ANXA13: variants seen among roughly 807,000 people sequenced by gnomAD.
ANXA13 encodes the protein annexin A13.
ANXA13 carries 36 observed loss-of-function variants against 46.6 expected under a neutral mutation model. The ratio of observed to expected loss-of-function variants is 0.77; its 90% CI spans 0.59 to 1.02. ANXA13 has a LOEUF of 1.02. Among genes scored for constraint, ANXA13 ranks in the 50% least tolerant of loss-of-function variants. The pLI is 0.00. For synonymous variants in ANXA13, 163 were observed against 152.9 expected, an observed-to-expected ratio of 1.07 and a Z score of -0.49; for missense variants, 417 against 396.5, an observed-to-expected ratio of 1.05 and a Z score of -0.44.
intron 8 of ANXA13, among the ~76,000 whole-genome samples, chr8:123,691,535 C>T (rs1409659893): frequency 2.6e-5 from 4 of 152,182 alleles, no homozygotes; most frequent in African/African-American, 9.7e-5. Flanking sequence ...GGACTAACTG[C>T]TTATTTCTGT....
At chr8:123,684,916 G>T (rs1813113139) in intron 9 of ANXA13, among the ~76,000 whole-genome samples, 194 bp from the exon 10 acceptor site, 1 of 152,218 alleles carries the variant, frequency 6.6e-6, no homozygotes, top group Non-Finnish European at 1.5e-5. Context: ...GAATCTTCAA[G>T]CATAGCTCCC....
chr8:123,737,267 T>C, intron 1 of ANXA13, 53 bp downstream of exon 1: 1 of 1,554,606 alleles, frequency 6.4e-7, no homozygotes, highest in Non-Finnish European at 8.9e-7. Context: ...GTTTAAATTC[T>C]TCCACATGCT....
Position 123,695,510 on chromosome 8 carries a change from G to A in ANXA13, c.463C>T (p.Leu155=). 6.2e-7 allele frequency: 1 copy of A among 1,613,528 alleles called. No individual in the cohort carries two copies. The highest frequency in any genetic ancestry group is 1.7e-4 in the Middle Eastern group (1 of 6,060). ...CACCTCTTTCCTCTTACCTGCAGCA[G>A]AGACACCAGGATTTTTTTTAGGTTT... The part of the protein sequence containing the change: ...SGNLKKILVS[L]LQANRNEGDD... Residue 155 remains leucine (L), a synonymous_variant, in exon 6 of 11, where the codon CTG becomes TTG. Coordinates refer to ENST00000419625, the MANE Select transcript of ANXA13 (RefSeq NM_004306.4).
intron 9 of ANXA13, among the ~76,000 whole-genome samples, chr8:123,688,504 T>G (rs1249995385): frequency 6.6e-6 from 1 of 152,168 alleles, no homozygotes. Flanking sequence ...AGATGCCCTA[T>G]TCAGGATCGA....
chr8:123,701,588 C>T (rs1168211080), intron 3 of ANXA13, among the ~76,000 whole-genome samples: 1 of 152,158 alleles, frequency 6.6e-6, no homozygotes, highest in Non-Finnish European at 1.5e-5. Context: ...CATTGACGCA[C>T]CTAATAGTAA....
chr8:123,729,737 A>G lies in ANXA13; in HGVS notation c.15+7583T>C, dbSNP rs570435016. Among the ~76,000 whole-genome samples the G allele has an allele frequency of 9.8e-4, 149 of 152,304 alleles. 1 individual carries two copies. The highest frequency in any genetic ancestry group is 4.8e-3 in the South Asian group (23 of 4,826). The stretch of plus-strand genomic sequence containing the variant: ...GAACTGCTGAACCAACACTGGAATC[A>G]GCTTAATTCAGAGCTCCTGTTAGAA... On this transcript the variant is annotated intron_variant, in intron 1 of 10. Coordinates refer to ENST00000419625, the MANE Select transcript of ANXA13 (RefSeq NM_004306.4).
chr8:123,692,402 CAT>C (rs1813259088), intron 8 of ANXA13, among the ~76,000 whole-genome samples: 1 of 152,128 alleles, frequency 6.6e-6, no homozygotes, highest in South Asian at 2.1e-4. Context: ...GCACTCTACA[CAT>C]ATAAAATAGG....
chr8:123,702,932 G>A (rs373212688), intron 2 of ANXA13, among the ~76,000 whole-genome samples, 196 bp from the exon 3 acceptor site: 266 of 152,286 alleles, frequency 1.7e-3, no homozygotes, highest in Middle Eastern at 0.01. Context: ...AATAGCCATT[G>A]AGGCCTCACA....
chr8:123,715,793 G>A (rs1170913700), intron 1 of ANXA13, among the ~76,000 whole-genome samples: 1 of 152,188 alleles, frequency 6.6e-6, no homozygotes, highest in Non-Finnish European at 1.5e-5. Flanking sequence ...GCGGTTGAGT[G>A]GGAGCCAAGG....
intron 1 of ANXA13, chr8:123,735,815 C>T (rs530802582): frequency 1.4e-5 from 23 of 1,612,400 alleles, no homozygotes; most frequent in Middle Eastern, 1.6e-4. Context: ...GCACGACTGT[C>T]GAGGGTTGGG....
At chr8:123,719,205 T>C (rs1256271078) in intron 1 of ANXA13, among the ~76,000 whole-genome samples, 1 of 152,272 alleles carries the variant, frequency 6.6e-6, no homozygotes, top group Non-Finnish European at 1.5e-5. Flanking sequence ...GATTTTCTAC[T>C]TGAATAGCTT....
intron 2 of ANXA13, among the ~76,000 whole-genome samples, chr8:123,704,128 G>A (rs1046064956): frequency 6.6e-6 from 1 of 152,110 alleles, no homozygotes; most frequent in Non-Finnish European, 1.5e-5. Flanking sequence ...GGGAAACCCG[G>A]GACACCAGGG....
chr8:123,733,230 C>CTTATTTAT (rs543155407), intron 1 of ANXA13, among the ~76,000 whole-genome samples: 2 of 140,702 alleles, frequency 1.4e-5, no homozygotes, highest in African/African-American at 5.3e-5. Flanking sequence ...AAATAAGGAT[C>CTTATTTAT]TTATTTATTT....
chr8:123,699,521 C>T (rs1813404873), intron 3 of ANXA13, among the ~76,000 whole-genome samples: 1 of 152,238 alleles, frequency 6.6e-6, no homozygotes, highest in African/African-American at 2.4e-5. Flanking sequence ...TTCCTCTTTT[C>T]TTTGAGCACC....
intron 1 of ANXA13, among the ~76,000 whole-genome samples, chr8:123,723,345 C>G (rs1403262786): frequency 6.6e-6 from 1 of 152,216 alleles, no homozygotes; most frequent in Non-Finnish European, 1.5e-5. Flanking sequence ...GAAGCCTCCC[C>G]TTTCTGAAAC....
chr8:123,705,085 C>G (rs184673812), intron 2 of ANXA13, among the ~76,000 whole-genome samples: 13 of 152,354 alleles, frequency 8.5e-5, no homozygotes, highest in Non-Finnish European at 1.6e-4. Flanking sequence ...CAGTGCATGG[C>G]ATCACACGGA....
In ANXA13 at chr8:123,720,979, C is replaced by T. The variant is rs79380660; in HGVS notation, c.16-8226G>A. Among the ~76,000 whole-genome samples the T allele has an allele frequency of 5.1e-3, 779 of 152,220 alleles. 1 individual carries two copies. The highest frequency in any genetic ancestry group is 0.017 in the African/African-American group (703 of 41,522). ...TTTGCTGTACTCCAGATCTCTAGAA[C>T]GAATTCATCTTGCGTAACCAAAACT... On this transcript the variant is annotated intron_variant, in intron 1 of 10. Transcript: ENST00000419625.
intron 1 of ANXA13, among the ~76,000 whole-genome samples, chr8:123,722,328 AAAAG>A (rs1302683376): frequency 7.1e-6 from 1 of 141,682 alleles, no homozygotes; most frequent in Non-Finnish European, 1.5e-5. Flanking sequence ...GAAAGAAAGA[AAAAG>A]AAAGAAAAGA....
chr8:123,703,919 A>G (rs1813493761), intron 2 of ANXA13, among the ~76,000 whole-genome samples: 1 of 152,200 alleles, frequency 6.6e-6, no homozygotes, highest in African/African-American at 2.4e-5. Context: ...ATCAAACCCC[A>G]CATTAGATTT....
Sources: gnomAD v4.1 joint callset for allele counts (sites outside exome capture counted in the v4.1 genomes callset) on GRCh38, gnomAD v4.1.1 for gene constraint, MANE v1.5 for transcripts, NCBI Gene and HGNC (gene_info 2026-07-23, HGNC 2026-07-21) for gene names.